QTMAN: variants seen among roughly 807,000 people sequenced by gnomAD.
The protein encoded by QTMAN is tRNA-queuosine alpha-mannosyltransferase.
At chr2:144,110,659 A>C in the QTMAN span, among the ~76,000 whole-genome samples, 1 of 151,364 alleles carries the variant, frequency 6.6e-6, no homozygotes, top group South Asian at 2.1e-4. Flanking sequence ...TCTTCTCCAC[A>C]TAACAGAAGA....
chr2:143,951,909 T>A, the QTMAN span: 1 of 758,736 alleles, frequency 1.3e-6, no homozygotes, highest in East Asian at 2.5e-5. Context: ...GTTAATTAAA[T>A]GTTTTTTTTT....
the QTMAN span, among the ~76,000 whole-genome samples, chr2:144,118,705 C>T: frequency 6.6e-6 from 1 of 151,980 alleles, no homozygotes; most frequent in South Asian, 2.1e-4. Flanking sequence ...AACATGGAAA[C>T]CCCGTCTCTG....
the QTMAN span, among the ~76,000 whole-genome samples, chr2:144,169,404 C>G: frequency 6.6e-6 from 1 of 152,166 alleles, no homozygotes; most frequent in Non-Finnish European, 1.5e-5. Context: ...GTTCACCTGT[C>G]TCTCCCACTT....
chr2:143,974,060 T>C, the QTMAN span, among the ~76,000 whole-genome samples: 2 of 152,352 alleles, frequency 1.3e-5, no homozygotes, highest in Admixed American at 6.5e-5. Flanking sequence ...CTCTCATACA[T>C]ATGATTTTAG....
chr2:144,045,654 C>G, the QTMAN span, among the ~76,000 whole-genome samples: 1 of 152,032 alleles, frequency 6.6e-6, no homozygotes, highest in African/African-American at 2.4e-5. Flanking sequence ...CCTGGCTGAC[C>G]GAGTAGTGTG....
the QTMAN span, among the ~76,000 whole-genome samples, chr2:144,015,869 T>C: frequency 1.3e-5 from 2 of 152,220 alleles, no homozygotes; most frequent in Admixed American, 1.3e-4. Context: ...AGTTAATTTC[T>C]CTGAACCTCA....
chr2:144,304,201 G>A, the QTMAN span, among the ~76,000 whole-genome samples: 1 of 152,120 alleles, frequency 6.6e-6, no homozygotes, highest in African/African-American at 2.4e-5. Flanking sequence ...ATTCAGCAGA[G>A]GATAAAGAAG....
chr2:143,962,888 C>G, the QTMAN span, among the ~76,000 whole-genome samples: 1 of 152,164 alleles, frequency 6.6e-6, no homozygotes, highest in African/African-American at 2.4e-5. Flanking sequence ...ATCACCATCA[C>G]CATACATGCA....
At chr2:143,948,563 T>C in the QTMAN span, among the ~76,000 whole-genome samples, 1 of 152,152 alleles carries the variant, frequency 6.6e-6, no homozygotes, top group East Asian at 1.9e-4. Flanking sequence ...CTATTTGTAC[T>C]CTTATATTCA....
chr2:144,203,484 C>G, the QTMAN span, among the ~76,000 whole-genome samples: 1 of 152,214 alleles, frequency 6.6e-6, no homozygotes, highest in Non-Finnish European at 1.5e-5. Context: ...GACAGGACAG[C>G]AAGACTGGTA....
chr2:143,985,984 C>T, the QTMAN span, among the ~76,000 whole-genome samples: 2 of 152,084 alleles, frequency 1.3e-5, no homozygotes, highest in Non-Finnish European at 2.9e-5. Flanking sequence ...ATCTTTGTTG[C>T]ATTTATAGTA....
At chr2:143,996,814 A>C in the QTMAN span, among the ~76,000 whole-genome samples, 9 of 152,086 alleles carry the variant, frequency 5.9e-5, no homozygotes, top group South Asian at 8.3e-4. Context: ...CCGAACCACT[A>C]ATCAGTTAAA....
the QTMAN span, among the ~76,000 whole-genome samples, chr2:144,213,391 T>C: frequency 1.3e-5 from 2 of 152,200 alleles, no homozygotes; most frequent in Non-Finnish European, 2.9e-5. Flanking sequence ...GAAAAGTATA[T>C]GCTAAATATT....
chr2:143,978,511 C>T, the QTMAN span, among the ~76,000 whole-genome samples: 1 of 152,158 alleles, frequency 6.6e-6, no homozygotes, highest in South Asian at 2.1e-4. Flanking sequence ...CATTTTTATT[C>T]AGCTGTCTAA....
At chr2:143,967,583 G>A in the QTMAN span, among the ~76,000 whole-genome samples, 416 of 152,118 alleles carry the variant, frequency 2.7e-3, 5 homozygotes, top group African/African-American at 9.4e-3. Context: ...CACCCACCTC[G>A]GCCTCCCAAG....
At chr2:144,079,366 G>A in the QTMAN span, among the ~76,000 whole-genome samples, 16 of 152,178 alleles carry the variant, frequency 1.1e-4, no homozygotes, top group Middle Eastern at 3.4e-3. Context: ...TCTTTGCAAA[G>A]TTGATTAAAA....
At chr2:144,276,731 C>T in the QTMAN span, among the ~76,000 whole-genome samples, 1 of 152,156 alleles carries the variant, frequency 6.6e-6, no homozygotes, top group African/African-American at 2.4e-5. Flanking sequence ...GATACACCAT[C>T]AAGAACTGGT....
the QTMAN span, among the ~76,000 whole-genome samples, chr2:143,984,966 C>A: frequency 5.9e-4 from 90 of 152,292 alleles, 1 homozygote; most frequent in Non-Finnish European, 1.1e-3. Flanking sequence ...ACCAAGAGGG[C>A]AGGGTGTAAA....
At chr2:144,098,365 A>G in the QTMAN span, among the ~76,000 whole-genome samples, 1 of 152,202 alleles carries the variant, frequency 6.6e-6, no homozygotes, top group African/African-American at 2.4e-5. Context: ...CGCTGATTCT[A>G]TCCAGGTTCA....
Sources: allele counts gnomAD v4.1 joint callset (sites outside exome capture counted in the v4.1 genomes callset), GRCh38; gene constraint gnomAD v4.1.1; transcripts MANE v1.5; gene names NCBI Gene and HGNC (gene_info 2026-07-23, HGNC 2026-07-21).